Variants in PKD1L3 observed in about 807,000 individuals in gnomAD.
PKD1L3 encodes the protein polycystin-1-like protein 3.
In PKD1L3, 239 loss-of-function variants were observed where a neutral mutation model predicts 184.1. The observed-to-expected ratio is 1.30, with a 90% CI of 1.17 to 1.45. The LOEUF (loss-of-function observed/expected upper bound fraction) is 1.45. Among genes scored for constraint, PKD1L3 ranks in the 40% most tolerant of loss-of-function variants. The pLI is 0.00. For missense variants in PKD1L3, 2,660 were observed against 2,067.2 expected (o/e 1.29, Z -5.56); for synonymous variants, 996 against 778.8 (o/e 1.28, Z -4.64).
At chr16:71,948,326 G>A (rs968204005) in intron 21 of PKD1L3, among the ~76,000 whole-genome samples, 1 of 152,056 alleles carries the variant, frequency 6.6e-6, no homozygotes, top group African/African-American at 2.4e-5. Flanking sequence ...CAGGTAATCC[G>A]CCTGCCTCGG....
intron 24 of PKD1L3, among the ~76,000 whole-genome samples, chr16:71,938,431 G>T (rs954310802): frequency 6.6e-6 from 1 of 152,264 alleles, no homozygotes; most frequent in Admixed American, 6.5e-5. Context: ...ATGGATGGCA[G>T]CAGGAGGCAG....
intron 19 of PKD1L3, 88 bp from the exon 20 acceptor site, chr16:71,950,398 G>A (rs2038785229): frequency 1.7e-6 from 2 of 1,188,094 alleles, no homozygotes; most frequent in Non-Finnish European, 2.3e-6. Flanking sequence ...ATTGATGGAT[G>A]ATGAGGCTAT....
At position 71,942,340 on chromosome 16, in the gene PKD1L3, C is replaced by T. The variant is rs139184663; in HGVS notation, c.4324+220G>A. On this transcript the variant is annotated intron_variant, in intron 24 of 29. Transcript: ENST00000620267. ...AGAGCAAGACTCCGTCTCAAACAAA[C>T]GAACCAAAATCCTGCAAGAAAGAAA... Among the ~76,000 whole-genome samples the T allele has an allele frequency of 2.9e-3, 440 of 151,994 alleles. 2 individuals are homozygous for T. The highest frequency in any genetic ancestry group is 0.01 in the African/African-American group (416 of 41,454).
At chr16:71,937,050 A>G (rs74027713) in intron 25 of PKD1L3, among the ~76,000 whole-genome samples, 6,049 of 151,966 alleles carry the variant, frequency 0.04, 395 homozygotes, top group African/African-American at 0.14. Context: ...ATCTAACACC[A>G]TCATCATCAT....
intron 15 of PKD1L3, 68 bp downstream of exon 15, chr16:71,967,069 G>C (rs2039525843): frequency 4.2e-6 from 6 of 1,444,728 alleles, no homozygotes; most frequent in Non-Finnish European, 5.6e-6. Context: ...ATTTATTGTG[G>C]TGATCTTCTT....
Position 71,977,375 on chromosome 16 carries a change from G to A in PKD1L3, c.1620C>T (p.Ser540=). The A allele has an allele frequency of 9.0e-6, 14 of 1,551,158 alleles. No homozygotes were observed. The highest frequency in any genetic ancestry group is 1.2e-5 in the Non-Finnish European group (14 of 1,146,492). ...TGCTCACTATCAAGGATTTCTCCAA[G>A]GAAGTGACGTTCACTGTGATTGTAA... The part of the protein sequence containing the change: ...HQLTITVNVT[S]LEKSLIVSID... The change falls in exon 11 of 30, where the codon TCC becomes TCT. Residue 540 remains serine (S), a synonymous_variant. Coordinates refer to ENST00000620267, the MANE Select transcript of PKD1L3 (RefSeq NM_181536.2).
intron 11 of PKD1L3, among the ~76,000 whole-genome samples, chr16:71,975,222 ATT>A (rs11311844): frequency 7.3e-4 from 102 of 139,858 alleles, no homozygotes; most frequent in South Asian, 1.7e-3. Flanking sequence ...CGCTCGGCTA[ATT>A]TTTTTTTTTT....
intron 9 of PKD1L3, among the ~76,000 whole-genome samples, chr16:71,979,506 CACA>C (rs773891402): frequency 7.2e-5 from 11 of 151,912 alleles, no homozygotes; most frequent in Non-Finnish European, 1.0e-4. Flanking sequence ...AAACAAAAAA[CACA>C]ACAACAAAAA....
Position 71,949,788 on chromosome 16 carries a change from C to T in PKD1L3, c.3613G>A (p.Val1205Ile). 2 of 1,549,834 alleles carry T rather than the reference C, an allele frequency of 1.3e-6. No homozygotes were observed. The highest frequency in any genetic ancestry group is 2.4e-5 in the South Asian group (2 of 83,980). Residue 1205 changes from valine to isoleucine, a missense_variant, in exon 21 of 30, where the codon GTA (valine) becomes ATA (isoleucine). Val to Ile is a conservative substitution (Grantham distance 29). Coordinates refer to ENST00000620267, the MANE Select transcript of PKD1L3 (RefSeq NM_181536.2). ...TCTTCCCATCCCTCACATACCTTTA[C>T]TGGCTGGCTGATGAAGATGTTCTGA... Reference protein sequence around the residue: ...VLQNIFISQPVKVVFFTFLYS... With the variant: ...VLQNIFISQPIKVVFFTFLYS...
chr16:71,964,242 T>C (rs1182464712), intron 15 of PKD1L3, among the ~76,000 whole-genome samples: 2 of 150,670 alleles, frequency 1.3e-5, no homozygotes, highest in South Asian at 2.1e-4. Context: ...TCCTTTACTG[T>C]AATGATGCTA....
chr16:71,934,024 C>A lies in PKD1L3; in HGVS notation c.4715G>T (p.Arg1572Leu). Residue 1572 changes from arginine (R) to leucine (L), a missense_variant, in exon 27 of 30, where the codon CGT (arginine) becomes CTT (leucine). Physicochemically the swap from Arg to Leu is moderately radical, Grantham distance 102. Transcript: ENST00000620267. ...GATGACCCGCAGCCTGGGGCTATGA[C>A]GCAGCAGGTTCCATAACTGAACAGT... ...LATVQLWNLL[R>L]HSPRLRVISR... 1 of 1,551,630 alleles carries A rather than the reference C, an allele frequency of 6.4e-7. No individual in the cohort carries two copies.
chr16:71,967,970 G>A lies in PKD1L3; in HGVS notation c.2222C>T (p.Ala741Val). 6.4e-7 allele frequency: 1 copy of A among 1,551,508 alleles called. No individual in the cohort carries two copies. The highest frequency in any genetic ancestry group is 8.7e-7 in the Non-Finnish European group (1 of 1,146,894). Residue 741 changes from alanine (A) to valine (V), a missense_variant, in exon 14 of 30, where the codon GCT becomes GTT. Coordinates refer to ENST00000620267, the MANE Select transcript of PKD1L3 (RefSeq NM_181536.2). ...GACCTGAATAAGGTAGTGAAATTGA[G>A]CGCTGGGGTCATTATCAGCCAGGAC... is the stretch of plus-strand genomic sequence containing the variant. ...VTVLADNDPS[A>V]QFHYLIQVYT...
At position 71,980,140 on chromosome 16, in the gene PKD1L3, T is replaced by C; in HGVS notation, c.1144-6A>G. ...ATTTCCAGGATGTCTTCTACCTGCA[T>C]GGAAAGGAAAACAGTGTGTGACTTG... On this transcript the variant is annotated splice_polypyrimidine_tract_variant and splice_region_variant and intron_variant, in intron 7 of 29. Coordinates refer to ENST00000620267, the MANE Select transcript of PKD1L3 (RefSeq NM_181536.2). The C allele has an allele frequency of 1.9e-6, 3 of 1,551,302 alleles. No homozygotes were observed. The highest frequency in any genetic ancestry group is 2.4e-5 in the South Asian group (2 of 84,030).
intron 23 of PKD1L3, 27 bp downstream of exon 23, chr16:71,944,003 C>T: frequency 6.5e-7 from 1 of 1,540,928 alleles, no homozygotes; most frequent in Non-Finnish European, 8.8e-7. Flanking sequence ...GCTGTGTTAT[C>T]AGTATGTTGC....
At chr16:71,961,036 T>TA (rs1193777281) in intron 16 of PKD1L3, among the ~76,000 whole-genome samples, 1 of 152,032 alleles carries the variant, frequency 6.6e-6, no homozygotes, top group Non-Finnish European at 1.5e-5. Flanking sequence ...AAAACATATA[T>TA]TTTTGGTTTG....
intron 21 of PKD1L3, 57 bp from the exon 22 acceptor site, chr16:71,947,648 T>C: frequency 8.5e-7 from 1 of 1,176,498 alleles, no homozygotes; most frequent in Non-Finnish European, 1.2e-6. Flanking sequence ...AGGAAGATAA[T>C]ACCGTATGTA....
Position 71,977,886 on chromosome 16 carries a change from T to A in PKD1L3, c.1527+369A>T, listed in dbSNP as rs376846045. 1.8e-4 allele frequency among the ~76,000 whole-genome samples: 27 copies of A among 152,296 alleles called. 1 individual carries two copies. Among genetic ancestry groups the A allele is most frequent in the Admixed American group, 9.8e-4 (15 of 15,286 alleles). ...ACCTCCTGGATTCAAGCTATTCTCCTGCCTCAGCCTCCAGAGTAGCTGGGA... is the reference window on the plus strand; with the variant it reads ...ACCTCCTGGATTCAAGCTATTCTCCAGCCTCAGCCTCCAGAGTAGCTGGGA... On this transcript the variant is annotated intron_variant, in intron 10 of 29. Coordinates refer to ENST00000620267, the MANE Select transcript of PKD1L3 (RefSeq NM_181536.2).
chr16:71,949,699 C>T, intron 21 of PKD1L3, 84 bp downstream of exon 21: 1 of 1,249,798 alleles, frequency 8.0e-7, no homozygotes, highest in Non-Finnish European at 1.1e-6. Context: ...TTGTCAAAAC[C>T]ACTAGGCACC....
Position 71,993,274 on chromosome 16 carries a change from G to A in PKD1L3, c.477C>T (p.Tyr159=). 6.5e-7 allele frequency: 1 copy of A among 1,549,900 alleles called. No individual in the cohort carries two copies. The highest frequency in any genetic ancestry group is 1.2e-5 in the South Asian group (1 of 83,752). ...YERNGNNSHL[Y]QRHKKTKRGV... is the part of the protein sequence containing the mutation. ...CTCTTTTTGTCTTCTTGTGTCTCTG[G>A]TACAAATGGGAATTATTTCCATTTC... is the stretch of plus-strand genomic sequence containing the variant. The change falls in exon 3 of 30, where the codon TAC becomes TAT. Residue 159 remains tyrosine, a synonymous_variant. Transcript: ENST00000620267.
Sources: allele counts gnomAD v4.1 joint callset (sites outside exome capture counted in the v4.1 genomes callset), GRCh38; gene constraint gnomAD v4.1.1; transcripts MANE v1.5; gene names NCBI Gene and HGNC (gene_info 2026-07-23, HGNC 2026-07-21).